SYNPO: variants seen among roughly 807,000 people sequenced by gnomAD.
The protein encoded by SYNPO is synaptopodin.
SYNPO carries 19 observed loss-of-function variants against 49.5 expected under a neutral mutation model. The observed-to-expected ratio is 0.38, with a 90% CI of 0.27 to 0.56. The LOEUF is 0.56. Among genes scored for constraint, SYNPO ranks in the 20% least tolerant of loss-of-function variants. The probability of loss-of-function intolerance (pLI) is 0.68; values close to 1 mark genes in which losing one functional copy is unlikely to be tolerated. For missense variants in SYNPO, 1,131 were observed against 1,248.3 expected, an observed-to-expected ratio of 0.91 and a Z score of 1.42; for synonymous variants, 536 against 548.0, an observed-to-expected ratio of 0.98 and a Z score of 0.31.
intron 2 of SYNPO, chr5:150,652,509 G>GAACC: frequency 1.4e-6 from 1 of 692,600 alleles, no homozygotes; most frequent in Non-Finnish European, 1.8e-6. Context: ...CACTGGTACA[G>GAACC]ACGTGTGCTG....
chr5:150,655,296 A>G (rs955107430), intron 2 of SYNPO, among the ~76,000 whole-genome samples: 1 of 152,316 alleles, frequency 6.6e-6, no homozygotes, highest in African/African-American at 2.4e-5. Context: ...CCCTGCCTCA[A>G]TAGTTGCTGA....
At chr5:150,641,961 T>G (rs1367645664) in intron 1 of SYNPO, among the ~76,000 whole-genome samples, 1 of 152,144 alleles carries the variant, frequency 6.6e-6, no homozygotes, top group African/African-American at 2.4e-5. Flanking sequence ...GGAGAATAGT[T>G]AAGAGATTAG....
intron 2 of SYNPO, chr5:150,651,887 T>TG (rs1469409833): frequency 4.2e-5 from 42 of 1,000,230 alleles, no homozygotes; most frequent in South Asian, 1.9e-4. Context: ...CCAGGCTTTG[T>TG]GGGGGGTGAG....
At chr5:150,651,910 C>A in intron 2 of SYNPO, 2 of 1,000,498 alleles carry the variant, frequency 2.0e-6, no homozygotes, top group Non-Finnish European at 2.4e-6. Flanking sequence ...AATACAGACA[C>A]AAGTGGCAGG....
intron 1 of SYNPO, among the ~76,000 whole-genome samples, chr5:150,610,394 A>G (rs1756814949): frequency 6.6e-6 from 1 of 152,212 alleles, no homozygotes; most frequent in African/African-American, 2.4e-5. Context: ...GACACCGGTC[A>G]GGTTCCAGCT....
the SYNPO span, among the ~76,000 whole-genome samples, chr5:150,588,261 G>T: frequency 6.6e-6 from 1 of 152,272 alleles, no homozygotes; most frequent in Admixed American, 6.5e-5. Context: ...ATCTCCATGC[G>T]TGACTTTCCA....
chr5:150,603,057 T>C (rs921607215), intron 1 of SYNPO, among the ~76,000 whole-genome samples: 1 of 145,318 alleles, frequency 6.9e-6, no homozygotes, highest in African/African-American at 2.7e-5. Context: ...ATGCTGTGAG[T>C]GCTATGTGGG....
Position 150,650,156 on chromosome 5 carries a change from C to T in SYNPO, c.1881C>T (p.Pro627=), listed in dbSNP as rs1001218482. 67 of 1,613,700 alleles carry T rather than the reference C, an allele frequency of 4.2e-5. No individual in the cohort carries two copies. The highest frequency in any genetic ancestry group is 2.5e-4 in the East Asian group (11 of 44,878). Residue 627 remains proline (P), a synonymous_variant, in exon 2 of 3, where the codon CCC becomes CCT. Transcript: ENST00000307662. The part of the protein sequence containing the change: ...SRSSPGLYTS[P]GQDSLQPTAV... ...CCTCACCGGGCCTCTACACCTCCCC[C>T]GGCCAGGACAGCCTGCAGCCCACTG...
intron 1 of SYNPO, among the ~76,000 whole-genome samples, chr5:150,641,765 A>T (rs746920497): frequency 7.2e-5 from 11 of 152,114 alleles, no homozygotes; most frequent in Non-Finnish European, 1.6e-4. Flanking sequence ...GAGTTTATCA[A>T]CTCTTCTCCT....
At position 150,650,150 on chromosome 5, in the gene SYNPO, C is replaced by T. The variant is rs1364777410; in HGVS notation, c.1875C>T (p.Thr625=). The T allele has an allele frequency of 1.5e-5, 24 of 1,613,726 alleles. No individual in the cohort carries two copies. The highest frequency in any genetic ancestry group is 1.9e-5 in the Non-Finnish European group (22 of 1,179,984). Residue 625 remains threonine, a synonymous_variant, in exon 2 of 3, where the codon ACC becomes ACT. Coordinates refer to ENST00000307662, the MANE Select transcript of SYNPO (RefSeq NM_007286.6). ...RPSRSSPGLY[T]SPGQDSLQPT... The stretch of plus-strand genomic sequence containing the variant: ...CGCGCTCCTCACCGGGCCTCTACAC[C>T]TCCCCCGGCCAGGACAGCCTGCAGC...
At chr5:150,655,708 G>A (rs253348) in intron 2 of SYNPO, among the ~76,000 whole-genome samples, 80,383 of 152,078 alleles carry the variant, frequency 0.53, 23,437 homozygotes, top group African/African-American at 0.79. Flanking sequence ...GCTGGAGTGC[G>A]GTGGCACGAT....
Position 150,657,060 on chromosome 5 carries a change from C to A in SYNPO, c.2685C>A (p.Leu895=). Residue 895 remains leucine, a synonymous_variant, in exon 3 of 3, where the codon CTC becomes CTA. Coordinates refer to ENST00000307662, the MANE Select transcript of SYNPO (RefSeq NM_007286.6). The part of the protein sequence containing the change: ...NGSLRLKRGS[L]PAEASCTT ...GCCTTCGGCTCAAGCGTGGCAGCCT[C>A]CCCGCCGAGGCCTCCTGCACCACCT... The A allele has an allele frequency of 6.3e-7, 1 of 1,597,548 alleles. No individual in the cohort carries two copies. Among genetic ancestry groups the A allele is most frequent in the Non-Finnish European group, 8.5e-7 (1 of 1,173,332 alleles).
chr5:150,640,226 T>G, upstream of SYNPO: 1 of 953,434 alleles, frequency 1.0e-6, no homozygotes, highest in Middle Eastern at 5.4e-4. Context: ...TGGTGAAGGC[T>G]TTTTGGAGGG....
chr5:150,595,857 C>A, the SYNPO span, among the ~76,000 whole-genome samples: 3 of 151,248 alleles, frequency 2.0e-5, no homozygotes, highest in African/African-American at 7.3e-5. Context: ...CCCCCACCCC[C>A]CCAGCTGGCT....
chr5:150,623,538 C>T (rs1328767112), intron 2 of SYNPO, among the ~76,000 whole-genome samples: 4 of 152,094 alleles, frequency 2.6e-5, no homozygotes, highest in Non-Finnish European at 4.4e-5. Context: ...CCAACCTGCC[C>T]TCTACCCTGG....
At chr5:150,647,104 A>T (rs373477393) in intron 1 of SYNPO, among the ~76,000 whole-genome samples, 1 of 152,126 alleles carries the variant, frequency 6.6e-6, no homozygotes, top group Non-Finnish European at 1.5e-5. Context: ...TTAGCCGGGC[A>T]TGGTGGCACA....
the SYNPO span, among the ~76,000 whole-genome samples, chr5:150,593,755 C>T: frequency 0.031 from 4,680 of 152,264 alleles, 259 homozygotes; most frequent in African/African-American, 0.11. Context: ...CCACCACGCC[C>T]GGGGTGTGGC....
chr5:150,628,946 C>T lies in SYNPO; in HGVS notation c.400+10179C>T, dbSNP rs141185767. Among the ~76,000 whole-genome samples, 4 of 152,260 alleles carry T rather than the reference C, an allele frequency of 2.6e-5. No homozygotes were observed. In the East Asian group the frequency reaches 7.7e-4, roughly 29 times the overall value. On this transcript the variant is annotated intron_variant, in intron 2 of 2. Coordinates refer to the SYNPO transcript ENST00000394243. ...GCAAGTTCTTAAGGAGATGGGCTCT[C>T]GCTTAAGACTAATTGTATCTCAGTA...
At position 150,633,824 on chromosome 5, in the gene SYNPO, G is replaced by A. The variant is rs73276108; in HGVS notation, c.401-14120G>A. On this transcript the variant is annotated intron_variant, in intron 2 of 2. Transcript: ENST00000394243. ...ATTCAAGGAATGCTATAAAATTACC[G>A]TATATAATTATCATAGGCTGTGTGC... Among the ~76,000 whole-genome samples the A allele has an allele frequency of 6.7e-3, 1,020 of 152,224 alleles. 12 individuals are homozygous for A. The highest frequency in any genetic ancestry group is 0.023 in the African/African-American group (970 of 41,550).
Sources: allele counts gnomAD v4.1 joint callset (sites outside exome capture counted in the v4.1 genomes callset), GRCh38; gene constraint gnomAD v4.1.1; transcripts MANE v1.5; gene names NCBI Gene and HGNC (gene_info 2026-07-23, HGNC 2026-07-21).